The following PSMA1 variants were observed in gnomAD, a reference collection of about 807,000 sequenced individuals.
The protein encoded by PSMA1 is proteasome subunit alpha type-1.
Under a neutral mutation model 38.4 loss-of-function variants are expected in PSMA1, and 3 were observed. The observed-to-expected ratio is 0.08, with a 90% CI of 0.04 to 0.20. The LOEUF (loss-of-function observed/expected upper bound fraction) is 0.20, where lower values mean the gene tolerates loss of function less well. PSMA1 is among the 10% of genes least tolerant of loss of function. The pLI is 1.00. For synonymous variants in PSMA1, 101 were observed against 107.1 expected, an observed-to-expected ratio of 0.94 and a Z score of 0.35; for missense variants, 227 against 325.3, an observed-to-expected ratio of 0.70 and a Z score of 2.32.
At chr11:14,543,292 G>C (rs1213271999) in intron 2 of PSMA1, among the ~76,000 whole-genome samples, 1 of 152,176 alleles carries the variant, frequency 6.6e-6, no homozygotes, top group Non-Finnish European at 1.5e-5. Context: ...GAGCCCAGGA[G>C]TTCAAATCCA....
At chr11:14,632,496 C>T (rs1487884517) in intron 1 of PSMA1, among the ~76,000 whole-genome samples, 4 of 145,852 alleles carry the variant, frequency 2.7e-5, no homozygotes, top group Non-Finnish European at 6.0e-5. Context: ...ATATTGGCCC[C>T]CACTCTCTTC....
chr11:14,530,341 CTTT>C (rs999614161), intron 2 of PSMA1, among the ~76,000 whole-genome samples: 3 of 152,144 alleles, frequency 2.0e-5, no homozygotes, highest in African/African-American at 7.2e-5. Context: ...CTCCTGCCAC[CTTT>C]TTTGGGCAAT....
intron 2 of PSMA1, among the ~76,000 whole-genome samples, chr11:14,570,345 A>C (rs1852123143): frequency 6.6e-6 from 1 of 152,252 alleles, no homozygotes; most frequent in South Asian, 2.1e-4. Flanking sequence ...GCAATGGAAC[A>C]AAGCTGGATG....
intron 9 of PSMA1, among the ~76,000 whole-genome samples, chr11:14,506,485 A>G (rs776694405): frequency 5.3e-5 from 8 of 152,172 alleles, no homozygotes; most frequent in Non-Finnish European, 1.2e-4. Context: ...CATGCTGTAG[A>G]AATTTCCATA....
intron 2 of PSMA1, among the ~76,000 whole-genome samples, chr11:14,560,478 G>A (rs1851995988): frequency 6.6e-6 from 1 of 152,048 alleles, no homozygotes; most frequent in African/African-American, 2.4e-5. Flanking sequence ...TCCTTCTTGG[G>A]CCATGGCTGC....
At chr11:14,594,907 C>T (rs956752418) in intron 2 of PSMA1, among the ~76,000 whole-genome samples, 1 of 152,110 alleles carries the variant, frequency 6.6e-6, no homozygotes, top group African/African-American at 2.4e-5. Context: ...TATCCCTCCC[C>T]CAGCCCCCAA....
At chr11:14,642,030 C>A (rs1469651496) in intron 1 of PSMA1, among the ~76,000 whole-genome samples, 1 of 152,208 alleles carries the variant, frequency 6.6e-6, no homozygotes, top group African/African-American at 2.4e-5. Context: ...GATTTCTACT[C>A]CCTACCGTTT....
chr11:14,610,890 G>T, intron 2 of PSMA1: 1 of 1,493,438 alleles, frequency 6.7e-7, no homozygotes, highest in African/African-American at 1.4e-5. Flanking sequence ...TCTAGGTTTT[G>T]TTTTGTGGGG....
At chr11:14,593,754 G>C (rs1244568607) in intron 2 of PSMA1, among the ~76,000 whole-genome samples, 3 of 151,820 alleles carry the variant, frequency 2.0e-5, no homozygotes, top group South Asian at 4.2e-4. Flanking sequence ...TGTGGTCCTG[G>C]GTAAGGCAGC....
chr11:14,639,410 T>C (rs1309698519), intron 1 of PSMA1, among the ~76,000 whole-genome samples: 1 of 152,186 alleles, frequency 6.6e-6, no homozygotes, highest in Admixed American at 6.5e-5. Flanking sequence ...TCAAAGGAAA[T>C]ACAGTTAAAG....
In PSMA1 at chr11:14,514,480, C is replaced by T. The variant is rs371834255; in HGVS notation, c.266G>A (p.Arg89His). The part of the protein sequence containing the change: ...ADARLLCNFM[R>H]QECLDSRFVF... ...AAATCTGGAATCCAAACACTCCTGA[C>T]GCATAAAATTACTAAAAAAGAAACA... The change falls in exon 5 of 10, where the codon CGT becomes CAT. Residue 89 changes from arginine to histidine, a missense_variant. By Grantham distance (29) the Arg-to-His change is conservative. Transcript: ENST00000396394. 21 of 1,562,374 alleles carry T rather than the reference C, an allele frequency of 1.3e-5. No individual in the cohort carries two copies. Among genetic ancestry groups the T allele is most frequent in the East Asian group, 2.3e-5 (1 of 43,474 alleles).
rs1852258119 is a variant in PSMA1, at chr11:14,579,509, T to TAATTTTTTTTTTTTTTTTTTTTTTTTTTC, written c.21+31456_21+31457insGAAAAAAAAAAAAAAAAAAAAAAAAAATT. ...GACTTTTTTTTTTTTTTTTTTTTTT[T>TAATTTTTTTTTTTTTTTTTTTTTTTTTTC]AAATAAGGTAACATTAACAGGGGCC... On this transcript the variant is annotated intron_variant, in intron 2 of 10. Coordinates refer to the PSMA1 transcript ENST00000418988. 1.6e-5 allele frequency among the ~76,000 whole-genome samples: 2 copies of TAATTTTTTTTTTTTTTTTTTTTTTTTTTC among 125,430 alleles called. 1 individual carries two copies. The highest frequency in any genetic ancestry group is 3.3e-5 in the Non-Finnish European group (2 of 60,162). 82.3% of individuals were successfully genotyped at this position (125,430 alleles called of 152,430 possible). A position where few individuals can be genotyped will look rare whatever the true frequency, so the allele number is the denominator to read the frequency against.
At chr11:14,539,514 C>T (rs558769780) in intron 2 of PSMA1, among the ~76,000 whole-genome samples, 2 of 152,210 alleles carry the variant, frequency 1.3e-5, no homozygotes, top group South Asian at 4.1e-4. Flanking sequence ...ATTTTAAAAA[C>T]CAAAACAAAC....
intron 2 of PSMA1, among the ~76,000 whole-genome samples, chr11:14,579,542 A>G (rs1297792723): frequency 7.2e-6 from 1 of 139,654 alleles, no homozygotes; most frequent in Non-Finnish European, 1.5e-5. Context: ...GCCAAGTATT[A>G]GGACATGGAC....
intron 2 of PSMA1, among the ~76,000 whole-genome samples, chr11:14,574,285 G>A (rs1032393545): frequency 6.6e-6 from 1 of 152,180 alleles, no homozygotes; most frequent in Non-Finnish European, 1.5e-5. Context: ...AGGGAAAAAT[G>A]ATTTTGTGGG....
At chr11:14,508,900 A>T (rs1195035001) in intron 8 of PSMA1, among the ~76,000 whole-genome samples, 1 of 138,704 alleles carries the variant, frequency 7.2e-6, no homozygotes, top group Admixed American at 7.6e-5. Context: ...TTCTTTGACC[A>T]CCTCTCTCAG....
chr11:14,548,368 C>T (rs1851850384), intron 2 of PSMA1, among the ~76,000 whole-genome samples: 1 of 152,128 alleles, frequency 6.6e-6, no homozygotes, highest in Non-Finnish European at 1.5e-5. Flanking sequence ...GTCACTACTT[C>T]AGACTTCTTG....
At chr11:14,554,657 G>T (rs762062911) in intron 2 of PSMA1, among the ~76,000 whole-genome samples, 4 of 152,038 alleles carry the variant, frequency 2.6e-5, no homozygotes, top group Admixed American at 1.3e-4. Flanking sequence ...ATATTTCACT[G>T]ATCTATGTGT....
chr11:14,579,849 TACAAGCTACACACCC>T (rs748257219), intron 2 of PSMA1, among the ~76,000 whole-genome samples: 6 of 152,224 alleles, frequency 3.9e-5, no homozygotes, highest in Non-Finnish European at 8.8e-5. Flanking sequence ...ATATCCTTCC[TACAAGCTACACACCC>T]ACATGTGTTT....
Sources: allele counts gnomAD v4.1 joint callset (sites outside exome capture counted in the v4.1 genomes callset), GRCh38; gene constraint gnomAD v4.1.1; transcripts MANE v1.5; gene names NCBI Gene and HGNC (gene_info 2026-07-23, HGNC 2026-07-21).